LOC128462377: variants seen among roughly 807,000 people sequenced by gnomAD.
chr16:89,357,381 A>T, the LOC128462377 span, among the ~76,000 whole-genome samples: 1 of 152,224 alleles, frequency 6.6e-6, no homozygotes, highest in Non-Finnish European at 1.5e-5. Flanking sequence ...GGGGCAGGTG[A>T]GCTTGTGGAG....
the LOC128462377 span, among the ~76,000 whole-genome samples, chr16:89,393,427 AAT>A: frequency 1.3e-5 from 2 of 150,496 alleles, no homozygotes; most frequent in Non-Finnish European, 3.0e-5. Flanking sequence ...GAGTTCAAGC[AAT>A]TCTCCCACCT....
the LOC128462377 span, chr16:89,329,037 T>TG: frequency 2.0e-5 from 3 of 149,966 alleles, no homozygotes; most frequent in Non-Finnish European, 4.4e-5. Flanking sequence ...GGTGAGTGAG[T>TG]GGACGCACCC....
the LOC128462377 span, among the ~76,000 whole-genome samples, chr16:89,390,298 C>T: frequency 3.4e-5 from 5 of 145,466 alleles, no homozygotes; most frequent in South Asian, 2.3e-4. Flanking sequence ...ATCACTGGGG[C>T]GAACACCGAG....
chr16:89,358,575 C>A, the LOC128462377 span, among the ~76,000 whole-genome samples: 267 of 152,252 alleles, frequency 1.8e-3, no homozygotes, highest in Middle Eastern at 0.01. Context: ...CCCATAAATA[C>A]ATTCATCTAT....
the LOC128462377 span, among the ~76,000 whole-genome samples, chr16:89,409,499 G>A: frequency 4.6e-5 from 7 of 152,190 alleles, no homozygotes; most frequent in African/African-American, 1.7e-4. Flanking sequence ...AGGGAGATGA[G>A]CAAGACAGCT....
the LOC128462377 span, among the ~76,000 whole-genome samples, chr16:89,408,853 A>G: frequency 1.3e-5 from 2 of 152,212 alleles, no homozygotes; most frequent in African/African-American, 2.4e-5. Context: ...ATTTTGTAGG[A>G]AAAAAAGAGA....
At chr16:89,399,859 C>T in the LOC128462377 span, among the ~76,000 whole-genome samples, 13 of 152,138 alleles carry the variant, frequency 8.5e-5, no homozygotes, top group African/African-American at 3.1e-4. Flanking sequence ...TCCCAGAGCA[C>T]AGGGCTTGGA....
the LOC128462377 span, among the ~76,000 whole-genome samples, chr16:89,378,368 A>G: frequency 6.6e-6 from 1 of 152,212 alleles, no homozygotes; most frequent in Non-Finnish European, 1.5e-5. Flanking sequence ...TTCAAGGACC[A>G]AACATATATA....
chr16:89,362,749 G>A, the LOC128462377 span, among the ~76,000 whole-genome samples: 1 of 152,216 alleles, frequency 6.6e-6, no homozygotes, highest in Non-Finnish European at 1.5e-5. Flanking sequence ...TGCTTATACT[G>A]GTCGAAGCAA....
chr16:89,412,917 A>G, the LOC128462377 span, among the ~76,000 whole-genome samples: 2 of 152,204 alleles, frequency 1.3e-5, no homozygotes, highest in Admixed American at 1.3e-4. Flanking sequence ...GTCACAGGTC[A>G]GCAGAGGTCC....
the LOC128462377 span, among the ~76,000 whole-genome samples, chr16:89,411,293 C>G: frequency 6.7e-6 from 1 of 148,260 alleles, no homozygotes; most frequent in Non-Finnish European, 1.5e-5. Context: ...CCTGTGCCAG[C>G]AGCCAGCACT....
chr16:89,340,238 C>T, the LOC128462377 span, among the ~76,000 whole-genome samples: 1 of 152,198 alleles, frequency 6.6e-6, no homozygotes, highest in Admixed American at 6.5e-5. Context: ...AACATGTCAT[C>T]TTTCACTTTT....
chr16:89,402,815 G>A, the LOC128462377 span, among the ~76,000 whole-genome samples: 2 of 147,312 alleles, frequency 1.4e-5, no homozygotes, highest in African/African-American at 5.1e-5. Flanking sequence ...TGCGGAATGA[G>A]GTTGGGGGGG....
At chr16:89,366,019 T>C in the LOC128462377 span, among the ~76,000 whole-genome samples, 4 of 151,840 alleles carry the variant, frequency 2.6e-5, no homozygotes, top group Admixed American at 1.3e-4. Flanking sequence ...GCTCTATCCA[T>C]GTTCCACAAA....
At chr16:89,329,244 A>G in the LOC128462377 span, among the ~76,000 whole-genome samples, 1 of 152,216 alleles carries the variant, frequency 6.6e-6, no homozygotes, top group Non-Finnish European at 1.5e-5. Context: ...CCAGGTATCC[A>G]GGATAAGACG....
chr16:89,395,439 G>A, the LOC128462377 span, among the ~76,000 whole-genome samples: 1 of 152,236 alleles, frequency 6.6e-6, no homozygotes, highest in African/African-American at 2.4e-5. Context: ...AGACAGCGCT[G>A]GGATGCCAGC....
chr16:89,335,484 T>C, the LOC128462377 span, among the ~76,000 whole-genome samples: 1 of 152,184 alleles, frequency 6.6e-6, no homozygotes, highest in African/African-American at 2.4e-5. Context: ...CGCAGTGGGT[T>C]AGGGCAGGTG....
At chr16:89,353,286 G>A in the LOC128462377 span, among the ~76,000 whole-genome samples, 1 of 151,694 alleles carries the variant, frequency 6.6e-6, no homozygotes, top group Non-Finnish European at 1.5e-5. Flanking sequence ...AGGTTGCAGT[G>A]AGCCAAGATG....
the LOC128462377 span, among the ~76,000 whole-genome samples, chr16:89,405,091 T>C: frequency 4.2e-4 from 64 of 151,842 alleles, no homozygotes; most frequent in African/African-American, 1.4e-3. Flanking sequence ...ACAGGACAAC[T>C]GCCCACACCA....
Sources: gnomAD v4.1 joint callset for allele counts (sites outside exome capture counted in the v4.1 genomes callset) on GRCh38, gnomAD v4.1.1 for gene constraint, MANE v1.5 for transcripts.